Variants in UGT1A8 observed in about 807,000 individuals in gnomAD.
UGT1A8 encodes UDP glucuronosyltransferase family 1 member A8, also known as UDP-glucuronosyltransferase 1A8.
In UGT1A8, 39 loss-of-function variants were observed where a neutral mutation model predicts 45.3. That is an observed-to-expected ratio of 0.86 (90% CI 0.67 to 1.12). The LOEUF is 1.12. UGT1A8 is among the 50% of genes most tolerant of loss of function. The pLI is 0.00. For synonymous variants in UGT1A8, 275 were observed against 249.2 expected (o/e 1.10, Z -0.97); for missense variants, 719 against 664.9 (o/e 1.08, Z -0.90).
At chr2:233,746,286 G>A (rs1374817332) in intron 1 of UGT1A8, among the ~76,000 whole-genome samples, 1 of 151,716 alleles carries the variant, frequency 6.6e-6, no homozygotes, top group Non-Finnish European at 1.5e-5. Context: ...TTCAAGGAAG[G>A]TGGCTTTGTT....
intron 1 of UGT1A8, among the ~76,000 whole-genome samples, chr2:233,762,621 C>T (rs1374321731): frequency 6.6e-6 from 1 of 152,118 alleles, no homozygotes; most frequent in Non-Finnish European, 1.5e-5. Context: ...TTGTTGTGAC[C>T]TCAAACACTT....
intron 1 of UGT1A8, chr2:233,693,536 C>A: frequency 6.2e-7 from 1 of 1,614,160 alleles, no homozygotes; most frequent in Admixed American, 1.7e-5. Flanking sequence ...TCCGTGTTCC[C>A]TGGAGCATAC....
At chr2:233,766,761 T>G (rs1575822555) in intron 1 of UGT1A8, among the ~76,000 whole-genome samples, 1 of 152,230 alleles carries the variant, frequency 6.6e-6, no homozygotes, top group African/African-American at 2.4e-5. Context: ...TGTGTGTGCA[T>G]GTACCTGTGC....
chr2:233,683,596 T>A (rs1209993411), intron 1 of UGT1A8, among the ~76,000 whole-genome samples: 1 of 152,220 alleles, frequency 6.6e-6, no homozygotes, highest in Non-Finnish European at 1.5e-5. Context: ...TATGAATCCC[T>A]CATTATTTAT....
At chr2:233,678,568 C>A (rs2074421602) in intron 1 of UGT1A8, among the ~76,000 whole-genome samples, 1 of 152,136 alleles carries the variant, frequency 6.6e-6, no homozygotes, top group Non-Finnish European at 1.5e-5. Flanking sequence ...CAGTACTAAT[C>A]CTTCTTCCCC....
intron 1 of UGT1A8, among the ~76,000 whole-genome samples, chr2:233,681,180 C>T (rs1280077707): frequency 6.6e-6 from 1 of 151,900 alleles, no homozygotes; most frequent in Non-Finnish European, 1.5e-5. Context: ...GACCCTTGCT[C>T]TCTTTCCGTC....
intron 1 of UGT1A8, chr2:233,719,445 C>T: frequency 6.2e-7 from 1 of 1,613,958 alleles, no homozygotes; most frequent in Non-Finnish European, 8.5e-7. Context: ...GACATTCCTG[C>T]AAAGGGTCAA....
intron 1 of UGT1A8, among the ~76,000 whole-genome samples, chr2:233,698,201 C>A (rs1027505391): frequency 6.6e-6 from 1 of 152,102 alleles, no homozygotes; most frequent in African/African-American, 2.4e-5. Context: ...TATCAACATG[C>A]ACTTTTAATT....
intron 1 of UGT1A8, among the ~76,000 whole-genome samples, chr2:233,640,043 G>C (rs1271877050): frequency 6.6e-6 from 1 of 152,144 alleles, no homozygotes; most frequent in Non-Finnish European, 1.5e-5. Context: ...GCAGACCTGG[G>C]GATAGGATGT....
intron 1 of UGT1A8, among the ~76,000 whole-genome samples, chr2:233,690,345 T>G (rs7563561): frequency 0.39 from 59,795 of 152,000 alleles, 11,945 homozygotes; most frequent in South Asian, 0.45. Flanking sequence ...CTGAAAGAGT[T>G]AGCACCTTAG....
In UGT1A8 at chr2:233,684,583, G is replaced by A. The variant is rs539348437; in HGVS notation, c.855+66021G>A. ...AGATCTATAAAATATGAAACATTGA[G>A]CCATATATAGTTTTACATATTTTGG... is the stretch of plus-strand genomic sequence containing the variant. On this transcript the variant is annotated intron_variant, in intron 1 of 4. Transcript: ENST00000373450. Among the ~76,000 whole-genome samples the A allele has an allele frequency of 7.1e-4, 108 of 152,230 alleles. 1 individual carries two copies. Among genetic ancestry groups the A allele is most frequent in the African/African-American group, 2.3e-3 (97 of 41,552 alleles).
chr2:233,772,783 CAGGATGACATGTGCCATTTTTCAG>C lies in UGT1A8; in HGVS notation c.*229_*252del. 7.8e-7 allele frequency: 1 copy of C among 1,277,504 alleles called. No homozygotes were observed. The highest frequency in any genetic ancestry group is 1.0e-6 in the Non-Finnish European group (1 of 966,400). 79.1% of individuals were successfully genotyped at this position (1,277,504 alleles called of 1,614,324 possible). On this transcript the variant is annotated 3_prime_UTR_variant, in exon 5 of 5. Transcript: ENST00000373450. ...TCGTGCCCCCTCTGGTGTCTTTGAT[CAGGATGACATGTGCCATTTTTCAG>C]AGGACGTGCAGACAGGCTGGCATTC... is the stretch of plus-strand genomic sequence containing the variant.
intron 1 of UGT1A8, among the ~76,000 whole-genome samples, chr2:233,728,144 G>T (rs577177228): frequency 2.0e-5 from 3 of 152,328 alleles, no homozygotes; most frequent in South Asian, 4.2e-4. Flanking sequence ...CCCACAAATT[G>T]TGCAGCCCAT....
intron 1 of UGT1A8, chr2:233,741,895 C>G (rs1371352009): frequency 6.6e-6 from 1 of 151,808 alleles, no homozygotes; most frequent in Non-Finnish European, 1.5e-5. Flanking sequence ...GAAGAAGGGA[C>G]CCTTTGTGAT....
rs979149719 is a variant in UGT1A8, at chr2:233,682,893, G to T, written c.855+64331G>T. The T allele has an allele frequency of 2.7e-6, 4 of 1,506,370 alleles. No homozygotes were observed. The East Asian group carries it at 9.1e-5, about 34-fold the overall frequency. 93.3% of individuals were successfully genotyped at this position (1,506,370 alleles called of 1,614,324 possible). A position where few individuals can be genotyped will look rare whatever the true frequency, so the allele number is the denominator to read the frequency against. ...TTATCATTTACATTTGTCCCATTTG[G>T]AATTTCTTTCTGGTTTAAGGAATTC... On this transcript the variant is annotated intron_variant, in intron 1 of 4. Coordinates refer to ENST00000373450, the MANE Select transcript of UGT1A8 (RefSeq NM_019076.5).
intron 2 of UGT1A8, 50 bp from the exon 3 acceptor site, chr2:233,767,799 T>A (rs1699488429): frequency 6.2e-7 from 1 of 1,614,032 alleles, no homozygotes. Context: ...ATTTGTTTTC[T>A]AATCATATTA....
chr2:233,665,251 G>A (rs181347950), intron 1 of UGT1A8, among the ~76,000 whole-genome samples: 5 of 152,296 alleles, frequency 3.3e-5, no homozygotes, highest in Non-Finnish European at 7.4e-5. Flanking sequence ...TGGATTTAAT[G>A]TAGTTTTTTC....
intron 1 of UGT1A8, among the ~76,000 whole-genome samples, chr2:233,751,737 T>C (rs1413280184): frequency 2.0e-5 from 3 of 152,206 alleles, no homozygotes; most frequent in Admixed American, 2.0e-4. Flanking sequence ...TCCTCTCTGT[T>C]TCTCTCTTGC....
At chr2:233,754,325 C>T (rs537557157) in intron 1 of UGT1A8, 54 of 246,030 alleles carry the variant, frequency 2.2e-4, no homozygotes, top group African/African-American at 1.1e-3. Flanking sequence ...CTGCCTCAGG[C>T]TTAAGTTTAA....
Sources: gnomAD v4.1 joint callset for allele counts (sites outside exome capture counted in the v4.1 genomes callset) on GRCh38, gnomAD v4.1.1 for gene constraint, MANE v1.5 for transcripts, NCBI Gene and HGNC (gene_info 2026-07-23, HGNC 2026-07-21) for gene names.